Variants in GTPBP4 observed in about 807,000 individuals in gnomAD.
GTPBP4 encodes the protein GTP-binding protein 4.
Under a neutral mutation model 81.7 loss-of-function variants are expected in GTPBP4, and 15 were observed. The observed-to-expected ratio is 0.18, with a 90% confidence interval of 0.12 to 0.28. The LOEUF is 0.28. GTPBP4 is among the 10% of genes least tolerant of loss of function. The pLI is 1.00. For missense variants in GTPBP4, 847 were observed against 793.8 expected, an observed-to-expected ratio of 1.07 and a Z score of -0.81; for synonymous variants, 272 against 274.6, an observed-to-expected ratio of 0.99 and a Z score of 0.09.
At position 1,000,717 on chromosome 10, in the gene GTPBP4, A is replaced by C. The variant is rs112752967; in HGVS notation, c.695A>C (p.Asp232Ala). Reference protein sequence around the residue: ...TPGILDHPLEDRNTIEMQAIT... With the variant: ...TPGILDHPLEARNTIEMQAIT... ...GGGATCCTGGACCACCCTCTGGAGG[A>C]TAGGAACACCATCGAGATGCAGGCC... The change falls in exon 7 of 17, where the codon GAT becomes GCT. Residue 232 changes from aspartate (D) to alanine (A), a missense_variant. Physicochemically the swap from Asp to Ala is moderately radical, Grantham distance 126. Around this residue, in one of 3 missense-constraint regions of GTPBP4, gnomAD observed 600 missense variants for 557.1 expected, o/e 1.08. Transcript: ENST00000360803. 4 of 1,569,056 alleles carry C rather than the reference A, an allele frequency of 2.5e-6. No individual in the cohort carries two copies. The highest frequency in any genetic ancestry group is 3.5e-6 in the Non-Finnish European group (4 of 1,158,430).
chr10:994,256 T>TTTTG (rs144764762), intron 2 of GTPBP4, among the ~76,000 whole-genome samples: 3 of 150,364 alleles, frequency 2.0e-5, no homozygotes. Context: ...AGAATGAGAT[T>TTTTG]TTTGTTTGTT....
intron 5 of GTPBP4, 152 bp downstream of exon 5, chr10:997,460 C>T (rs547919326): frequency 5.9e-6 from 4 of 673,950 alleles, no homozygotes; most frequent in African/African-American, 3.6e-5. Flanking sequence ...GTAATAATTT[C>T]GGCCTCCGAG....
At chr10:991,782 G>A (rs35982072) in intron 1 of GTPBP4, among the ~76,000 whole-genome samples, 2 of 131,198 alleles carry the variant, frequency 1.5e-5, no homozygotes, top group Admixed American at 8.8e-5. Flanking sequence ...TGCAAGCTCC[G>A]CCTCCCGGGT....
In GTPBP4 at chr10:1,019,059, A is replaced by T. The variant is rs568529702; in HGVS notation, c.*1832A>T. The T allele has an allele frequency of 1.0e-3, 158 of 156,964 alleles. No homozygotes were observed. The highest frequency in any genetic ancestry group is 1.7e-3 in the Non-Finnish European group (120 of 71,102). The allele number at this position is 156,964 out of a possible 1,614,324, so 9.7% of individuals were successfully genotyped here. A position where few individuals can be genotyped will look rare whatever the true frequency, so the allele number is the denominator to read the frequency against. On this transcript the variant is annotated 3_prime_UTR_variant, in exon 17 of 17. Coordinates refer to ENST00000360803, the MANE Select transcript of GTPBP4 (RefSeq NM_012341.3). Reference sequence around the variant, plus strand: ...GCAAGATTGAATGTGTCTTTTTTTTAAAAATGCAGCCTTGTGTTGCACTCT... The same window carrying T: ...GCAAGATTGAATGTGTCTTTTTTTTTAAAATGCAGCCTTGTGTTGCACTCT...
At position 991,616 on chromosome 10, in the gene GTPBP4, T is replaced by C. The variant is rs189633647; in HGVS notation, c.49-873T>C. Among the ~76,000 whole-genome samples the C allele has an allele frequency of 6.6e-5, 10 of 152,298 alleles. No homozygotes were observed. In the East Asian group the frequency reaches 1.9e-3, roughly 29 times the overall value. ...CTAATTTATGGTTTGAATTCTCTGA[T>C]TATTTAAGTTTCAAAGGTTCTTAGG... On this transcript the variant is annotated intron_variant, in intron 1 of 16. Coordinates refer to ENST00000360803, the MANE Select transcript of GTPBP4 (RefSeq NM_012341.3).
Position 1,019,764 on chromosome 10 carries a change from T to C in GTPBP4, c.*2537T>C, listed in dbSNP as rs41294972. On this transcript the variant is annotated 3_prime_UTR_variant, in exon 17 of 17. Coordinates refer to ENST00000360803, the MANE Select transcript of GTPBP4 (RefSeq NM_012341.3). ...AAGCAGAAGGTAACAAATTTCATGCTCTCCCCAAATTCTGTCTGATTTTGC... is the reference window on the plus strand; with the variant it reads ...AAGCAGAAGGTAACAAATTTCATGCCCTCCCCAAATTCTGTCTGATTTTGC... 1 of 1,613,946 alleles carries C rather than the reference T, an allele frequency of 6.2e-7. No homozygotes were observed. The highest frequency in any genetic ancestry group is 8.5e-7 in the Non-Finnish European group (1 of 1,179,980).
rs771437351 is a variant in GTPBP4, at chr10:1,014,326, C to T, written c.1608+14C>T. On this transcript the variant is annotated intron_variant, in intron 15 of 16. Transcript: ENST00000360803. ...GATAAAGACGATGTGAGTGTGGGGG[C>T]GGTTCATGTGTTTATGTGGCTGGAT... 8.8e-6 allele frequency: 14 copies of T among 1,584,744 alleles called. No individual in the cohort carries two copies. Among genetic ancestry groups the T allele is most frequent in the Middle Eastern group, 3.3e-4 (2 of 6,004 alleles).
At chr10:998,972 A>C (rs751142766) in intron 5 of GTPBP4, 31 bp from the exon 6 acceptor site, 1 of 1,178,480 alleles carries the variant, frequency 8.5e-7, no homozygotes, top group Admixed American at 1.7e-5. Flanking sequence ...AGAGGAAATG[A>C]GGTGATTCTG....
Position 1,015,797 on chromosome 10 carries a change from G to A in GTPBP4, c.1653G>A (p.Arg551=), listed in dbSNP as rs1831977592. The A allele has an allele frequency of 6.2e-7, 1 of 1,614,064 alleles. No individual in the cohort carries two copies. The highest frequency in any genetic ancestry group is 1.7e-5 in the Admixed American group (1 of 60,006). ...CAAGAAGATCCCGGAGCATCACTAGGAAAAGAAAGCGGGAAGACTCTGCTC... is the reference window on the plus strand; with the variant it reads ...CAAGAAGATCCCGGAGCATCACTAGAAAAAGAAAGCGGGAAGACTCTGCTC... ...VQARRSRSIT[R]KRKREDSAPP... Residue 551 remains arginine, a synonymous_variant, in exon 16 of 17, where the codon AGG becomes AGA. Transcript: ENST00000360803.
intron 10 of GTPBP4, chr10:1,008,197 G>C: frequency 2.2e-6 from 1 of 449,516 alleles, no homozygotes; most frequent in Non-Finnish European, 4.4e-6. Context: ...TGGATCACCT[G>C]AGGTCAAGAG....
At chr10:1,014,174 A>C in intron 14 of GTPBP4, 73 bp from the exon 15 acceptor site, 1 of 883,372 alleles carries the variant, frequency 1.1e-6, no homozygotes, top group East Asian at 2.5e-5. Context: ...GTATACATAT[A>C]TATTGCCTTG....
At chr10:1,005,783 A>G (rs2132166242) in intron 8 of GTPBP4, 35 bp from the exon 9 acceptor site, 4 of 1,177,496 alleles carry the variant, frequency 3.4e-6, no homozygotes, top group African/African-American at 3.0e-5. Context: ...CTGGAAATGA[A>G]TAATACATCT....
intron 8 of GTPBP4, among the ~76,000 whole-genome samples, chr10:1,003,708 G>A (rs1831678775): frequency 6.6e-6 from 1 of 152,202 alleles, no homozygotes; most frequent in African/African-American, 2.4e-5. Context: ...AGCTCTGGAA[G>A]TTTGTGCCAG....
In GTPBP4 at chr10:1,012,629, A is replaced by G; in HGVS notation, c.1509A>G (p.Thr503=). ...TTCTGGAGTCCAAAGAAAAGAATAC[A>G]CAGGGACCCAGGATGCCGCGAACTG... The part of the protein sequence containing the change: ...LKILESKEKN[T]QGPRMPRTAK... Residue 503 remains threonine, a synonymous_variant, in exon 14 of 17, where the codon ACA becomes ACG. Coordinates refer to ENST00000360803, the MANE Select transcript of GTPBP4 (RefSeq NM_012341.3). 1 of 1,613,906 alleles carries G rather than the reference A, an allele frequency of 6.2e-7. No individual in the cohort carries two copies. The highest frequency in any genetic ancestry group is 1.1e-5 in the South Asian group (1 of 91,052).
chr10:992,786 G>C (rs1181772415), intron 2 of GTPBP4, 127 bp downstream of exon 2: 2 of 598,440 alleles, frequency 3.3e-6, no homozygotes, highest in Non-Finnish European at 5.9e-6. Context: ...TACTCAGTAA[G>C]TTAGTGGCAA....
intron 9 of GTPBP4, among the ~76,000 whole-genome samples, chr10:1,006,373 T>G (rs966380513): frequency 3.3e-5 from 5 of 152,220 alleles, no homozygotes; most frequent in African/African-American, 4.8e-5. Context: ...GCGCAGTGGC[T>G]CACGCCTGTA....
rs1418269503 is a variant in GTPBP4 at position 995,110 on chromosome 10, G to A, written c.220-819G>A. Reference sequence around the variant, plus strand: ...AAGGGTCGAGTTTATATGCACTGGTGAGATATCTCAGGAGATGCTGGCCTG... The same window carrying A: ...AAGGGTCGAGTTTATATGCACTGGTAAGATATCTCAGGAGATGCTGGCCTG... On this transcript the variant is annotated intron_variant, in intron 2 of 16. Coordinates refer to ENST00000360803, the MANE Select transcript of GTPBP4 (RefSeq NM_012341.3). Among the ~76,000 whole-genome samples the A allele has an allele frequency of 2.6e-5, 4 of 152,320 alleles. No individual in the cohort carries two copies. In the East Asian group the frequency reaches 5.8e-4, roughly 22 times the overall value.
At chr10:1,001,074 C>A in intron 8 of GTPBP4, 61 bp downstream of exon 8, 2 of 1,182,972 alleles carry the variant, frequency 1.7e-6, no homozygotes, top group Non-Finnish European at 2.5e-6. Context: ...TCATCTCAGA[C>A]AACCAAAGTT....
chr10:1,002,452 C>A (rs771701450), intron 8 of GTPBP4, among the ~76,000 whole-genome samples: 1 of 152,118 alleles, frequency 6.6e-6, no homozygotes, highest in Non-Finnish European at 1.5e-5. Context: ...CTTTTTGCAT[C>A]TCTTCATTTT....
Sources: allele counts gnomAD v4.1 joint callset (sites outside exome capture counted in the v4.1 genomes callset), GRCh38; gene constraint gnomAD v4.1.1; regional missense constraint gnomAD v4.1.1; transcripts MANE v1.5; gene names NCBI Gene and HGNC (gene_info 2026-07-23, HGNC 2026-07-21).